Variants in CACNA2D3 observed in about 807,000 individuals in gnomAD.
The protein encoded by CACNA2D3 is voltage-dependent calcium channel subunit alpha-2/delta-3.
In CACNA2D3, 60 loss-of-function variants were observed where a neutral mutation model predicts 160.6. The ratio of observed to expected loss-of-function variants is 0.37; its 90% CI spans 0.30 to 0.46. The LOEUF is 0.46. Ranked by LOEUF, CACNA2D3 falls within the 20% of genes least tolerant of loss-of-function variation. CACNA2D3 has a pLI of 1.00. For missense variants in CACNA2D3, 1,205 were observed against 1,365.0 expected (o/e 0.88, Z 1.85); for synonymous variants, 558 against 492.9 (o/e 1.13, Z -1.75).
chr3:54,366,321 G>A (rs772900619), intron 3 of CACNA2D3, among the ~76,000 whole-genome samples: 1 of 152,210 alleles, frequency 6.6e-6, no homozygotes, highest in Non-Finnish European at 1.5e-5. Context: ...TGAATAACAT[G>A]CAGTGTTCAA....
In CACNA2D3 at chr3:54,822,832, T is replaced by TTTCTTTTCTTTC. The variant is rs1553874401; in HGVS notation, c.1398+5964_1398+5965insCTTTTCTTTCTT. Among the ~76,000 whole-genome samples the TTTCTTTTCTTTC allele has an allele frequency of 2.7e-3, 158 of 57,998 alleles. 6 individuals carry two copies. Among genetic ancestry groups the TTTCTTTTCTTTC allele is most frequent in the East Asian group, 8.8e-3 (19 of 2,156 alleles). 38.0% of individuals were successfully genotyped at this position (57,998 alleles called of 152,430 possible). A position where few individuals can be genotyped will look rare whatever the true frequency, so the allele number is the denominator to read the frequency against. ...CTTTCTTTCTTTCTTTCTTTCTTTC[T>TTTCTTTTCTTTC]TTTCTTTCTTTCTTTCTTTCTTTCT... On this transcript the variant is annotated intron_variant, in intron 14 of 37. Transcript: ENST00000474759.
chr3:54,345,426 A>T (rs1340938916), intron 3 of CACNA2D3, among the ~76,000 whole-genome samples: 1 of 152,258 alleles, frequency 6.6e-6, no homozygotes, highest in Non-Finnish European at 1.5e-5. Context: ...GCTTTTAAAC[A>T]CTACTGCTGA....
chr3:54,607,683 G>A (rs553223278), intron 9 of CACNA2D3, among the ~76,000 whole-genome samples: 11 of 152,104 alleles, frequency 7.2e-5, no homozygotes, highest in Non-Finnish European at 1.6e-4. Context: ...TTAAACATAT[G>A]GATACTGTAT....
At chr3:54,618,616 G>A (rs1047071863) in intron 9 of CACNA2D3, among the ~76,000 whole-genome samples, 7 of 152,022 alleles carry the variant, frequency 4.6e-5, no homozygotes, top group African/African-American at 1.7e-4. Context: ...GGTGTCCCTG[G>A]GGTCACATTT....
At chr3:54,562,741 G>A (rs1702347336) in intron 5 of CACNA2D3, 59 bp from the exon 6 acceptor site, 2 of 1,500,312 alleles carry the variant, frequency 1.3e-6, no homozygotes, top group East Asian at 4.6e-5. Context: ...TGGGATGCCA[G>A]GAATTTTATT....
intron 35 of CACNA2D3, among the ~76,000 whole-genome samples, chr3:55,061,235 A>T (rs1575458041): frequency 6.6e-6 from 1 of 152,274 alleles, no homozygotes; most frequent in Admixed American, 6.5e-5. Flanking sequence ...TAAGTATAAC[A>T]AAGAGAATAT....
intron 9 of CACNA2D3, 110 bp from the exon 10 acceptor site, chr3:54,627,677 G>C (rs914558451): frequency 5.6e-6 from 4 of 720,504 alleles, no homozygotes; most frequent in Non-Finnish European, 1.0e-5. Context: ...ATTATGACCG[G>C]TTGGATCTGA....
At chr3:54,559,237 G>A (rs1305873073) in intron 5 of CACNA2D3, among the ~76,000 whole-genome samples, 1 of 152,034 alleles carries the variant, frequency 6.6e-6, no homozygotes, top group East Asian at 1.9e-4. Context: ...CAGTGTACAG[G>A]AAATACTTGT....
intron 4 of CACNA2D3, among the ~76,000 whole-genome samples, chr3:54,480,762 G>A (rs1203091127): frequency 6.6e-6 from 1 of 152,100 alleles, no homozygotes; most frequent in African/African-American, 2.4e-5. Flanking sequence ...GCTGGATGGT[G>A]TTAAATGCCT....
intron 2 of CACNA2D3, among the ~76,000 whole-genome samples, chr3:54,149,922 T>TCTCTCTCTCTCTCTCC (rs1700110642): frequency 4.4e-5 from 3 of 68,284 alleles, no homozygotes; most frequent in Non-Finnish European, 8.4e-5. Flanking sequence ...TCTCTCTCTC[T>TCTCTCTCTCTCTCTCC]CTCTCTCTCC....
At chr3:54,975,290 A>G (rs1334487707) in intron 29 of CACNA2D3, among the ~76,000 whole-genome samples, 2 of 152,132 alleles carry the variant, frequency 1.3e-5, no homozygotes, top group African/African-American at 2.4e-5. Context: ...AGGCCAAGGC[A>G]GGCAGATCAC....
At position 55,020,743 on chromosome 3, in the gene CACNA2D3, C is replaced by T. The variant is rs149398941; in HGVS notation, c.2987+2426C>T. On this transcript the variant is annotated intron_variant, in intron 35 of 37. Transcript: ENST00000474759. Reference sequence around the variant, plus strand: ...GCGGGCACCTGTAATCCCAACTACTCGGGAGATTGAGACAAGAGAATTGCT... The same window carrying T: ...GCGGGCACCTGTAATCCCAACTACTTGGGAGATTGAGACAAGAGAATTGCT... 9.8e-3 allele frequency among the ~76,000 whole-genome samples: 1,482 copies of T among 151,498 alleles called. 6 individuals are homozygous for T. Among genetic ancestry groups the T allele is most frequent in the Non-Finnish European group, 0.013 (914 of 67,920 alleles).
chr3:54,918,356 G>GTTT, intron 27 of CACNA2D3: 1 of 161,676 alleles, frequency 6.2e-6, no homozygotes, highest in Non-Finnish European at 1.1e-5. Flanking sequence ...TTTTTTTTTT[G>GTTT]TCTTTTGGCA....
intron 4 of CACNA2D3, among the ~76,000 whole-genome samples, chr3:54,463,292 C>T (rs1700543332): frequency 2.0e-5 from 3 of 152,126 alleles, no homozygotes; most frequent in Admixed American, 2.0e-4. Context: ...TTGTGGCATT[C>T]TCTGTATTTC....
At chr3:54,200,087 G>C (rs1701150835) in intron 2 of CACNA2D3, among the ~76,000 whole-genome samples, 1 of 152,222 alleles carries the variant, frequency 6.6e-6, no homozygotes, top group South Asian at 2.1e-4. Flanking sequence ...AGGTTTACCT[G>C]TGGAATCGGA....
rs1291541258 is a variant in CACNA2D3, at chr3:54,736,086, TGTGTATATATATAC to T, written c.1168-16512_1168-16499del. Among the ~76,000 whole-genome samples the T allele has an allele frequency of 4.8e-3, 115 of 23,916 alleles. 11 individuals carry two copies. Among genetic ancestry groups the T allele is most frequent in the African/African-American group, 4.9e-3 (35 of 7,142 alleles). The allele number at this position is 23,916 out of a possible 152,430, so 15.7% of individuals were successfully genotyped here. On this transcript the variant is annotated intron_variant, in intron 11 of 37. Transcript: ENST00000474759. Reference sequence around the variant, plus strand: ...GTATATATATATACATATATATGTATGTGTATATATATACATATATATGTATATATATACATATA... The same window carrying T: ...GTATATATATATACATATATATGTATATATATATGTATATATATACATATA...
intron 13 of CACNA2D3, among the ~76,000 whole-genome samples, chr3:54,814,287 C>T (rs1340087716): frequency 6.6e-6 from 1 of 152,244 alleles, no homozygotes; most frequent in African/African-American, 2.4e-5. Flanking sequence ...ACCTAGCGGC[C>T]ATCCAAGACC....
rs74613569 is a variant in CACNA2D3, at chr3:54,227,221, T to C, written c.205-93221T>C. ...TAACAATATGTTACTGTGTAGGGGC[T>C]ATGTTTTCACGTTCAGGATCTGGGT... On this transcript the variant is annotated intron_variant, in intron 2 of 37. Transcript: ENST00000474759. 2.4e-3 allele frequency among the ~76,000 whole-genome samples: 361 copies of C among 152,220 alleles called. 2 individuals carry two copies. The highest frequency in any genetic ancestry group is 7.7e-3 in the African/African-American group (321 of 41,546).
chr3:54,912,806 C>G (rs529489656), intron 27 of CACNA2D3, among the ~76,000 whole-genome samples: 1 of 152,192 alleles, frequency 6.6e-6, no homozygotes, highest in African/African-American at 2.4e-5. Context: ...ACTCCTTTAG[C>G]CTTAATACTT....
Sources: allele counts gnomAD v4.1 joint callset (sites outside exome capture counted in the v4.1 genomes callset), GRCh38; gene constraint gnomAD v4.1.1; transcripts MANE v1.5; gene names NCBI Gene and HGNC (gene_info 2026-07-23, HGNC 2026-07-21).